The following TMTC2 variants were observed in gnomAD, a reference collection of about 807,000 sequenced individuals.
The protein encoded by TMTC2 is protein O-mannosyl-transferase TMTC2.
Under a neutral mutation model 82.4 loss-of-function variants are expected in TMTC2, and 43 were observed. The ratio of observed to expected loss-of-function variants is 0.52; its 90% confidence interval spans 0.41 to 0.67. The LOEUF is 0.67. TMTC2 is among the 30% of genes least tolerant of loss of function. The pLI, the probability that TMTC2 is intolerant of heterozygous loss-of-function variation, is 0.00. For missense variants in TMTC2, 919 were observed against 1,012.4 expected (o/e 0.91, Z 1.25); for synonymous variants, 408 against 381.9 (o/e 1.07, Z -0.80).
chr12:82,825,589 T>G (rs1037847922), intron 1 of TMTC2, among the ~76,000 whole-genome samples: 1 of 152,326 alleles, frequency 6.6e-6, no homozygotes, highest in African/African-American at 2.4e-5. Context: ...AGTACGTCTA[T>G]TATTTCCACA....
chr12:83,112,448 T>C (rs1007111832), intron 11 of TMTC2, among the ~76,000 whole-genome samples: 1 of 152,220 alleles, frequency 6.6e-6, no homozygotes, highest in African/African-American at 2.4e-5. Flanking sequence ...CAAAGTTTTT[T>C]AAACTTCTGT....
At chr12:82,699,473 G>A (rs1872968332) in intron 1 of TMTC2, among the ~76,000 whole-genome samples, 2 of 152,102 alleles carry the variant, frequency 1.3e-5, no homozygotes, top group South Asian at 2.1e-4. Flanking sequence ...TTGTTACTGG[G>A]TACTCATGGT....
chr12:83,083,132 C>A (rs1043118780), intron 11 of TMTC2, among the ~76,000 whole-genome samples: 3 of 152,144 alleles, frequency 2.0e-5, no homozygotes, highest in Non-Finnish European at 4.4e-5. Flanking sequence ...ATTTAGAATG[C>A]TGCCTGGCCC....
At chr12:82,814,381 C>G (rs569922118) in intron 1 of TMTC2, among the ~76,000 whole-genome samples, 2 of 152,030 alleles carry the variant, frequency 1.3e-5, no homozygotes, top group Non-Finnish European at 2.9e-5. Flanking sequence ...GAATACTATT[C>G]GTGTAGTTTG....
chr12:82,861,653 C>A (rs1056965927), intron 2 of TMTC2, among the ~76,000 whole-genome samples: 19 of 152,132 alleles, frequency 1.2e-4, no homozygotes, highest in Non-Finnish European at 2.9e-5. Flanking sequence ...AAGATGTTAA[C>A]TTATTTAGCT....
At position 82,896,067 on chromosome 12, in the gene TMTC2, C is replaced by G. The variant is rs563788049; in HGVS notation, c.904C>G (p.Leu302Val). The G allele has an allele frequency of 2.5e-6, 4 of 1,614,004 alleles. No individual in the cohort carries two copies. In the South Asian group the frequency reaches 4.4e-5, roughly 18 times the overall value. ...TTGGTCAATGGATGCTGTGCCTCTG[C>G]TCAAAACAGTTTGTGACTGGAGAAA... ...FDWSMDAVPL[L>V]KTVCDWRNLH... is the part of the protein sequence containing the mutation. Residue 302 changes from leucine (L) to valine (V), a missense_variant, in exon 3 of 12, where the codon CTC becomes GTC. Physicochemically the swap from Leu to Val is conservative, Grantham distance 32. Coordinates refer to ENST00000321196, the MANE Select transcript of TMTC2 (RefSeq NM_152588.3).
chr12:82,968,728 C>A (rs944803580), intron 7 of TMTC2, among the ~76,000 whole-genome samples: 2 of 152,080 alleles, frequency 1.3e-5, no homozygotes, highest in African/African-American at 4.8e-5. Context: ...AAAATTCAGC[C>A]AGTACCTTGG....
intron 1 of TMTC2, among the ~76,000 whole-genome samples, chr12:82,772,349 C>G (rs1877353696): frequency 6.6e-6 from 1 of 152,182 alleles, no homozygotes; most frequent in African/African-American, 2.4e-5. Flanking sequence ...ATAGAGGAGA[C>G]AGCATTTTCA....
At chr12:82,953,184 G>A (rs1342804808) in intron 4 of TMTC2, among the ~76,000 whole-genome samples, 1 of 152,166 alleles carries the variant, frequency 6.6e-6, no homozygotes, top group African/African-American at 2.4e-5. Flanking sequence ...CCTTTCAGGT[G>A]ATTTCCTAAA....
At chr12:82,925,731 C>A (rs768043853) in intron 3 of TMTC2, among the ~76,000 whole-genome samples, 1 of 152,096 alleles carries the variant, frequency 6.6e-6, no homozygotes, top group South Asian at 2.1e-4. Context: ...ACAGATGTTG[C>A]GCATGTTCTG....
intron 11 of TMTC2, among the ~76,000 whole-genome samples, chr12:83,125,633 T>A (rs1885078451): frequency 6.6e-6 from 1 of 152,196 alleles, no homozygotes; most frequent in Admixed American, 6.5e-5. Context: ...AATATCTGCA[T>A]TATACTTTTA....
intron 4 of TMTC2, among the ~76,000 whole-genome samples, chr12:82,957,411 A>G (rs1391239448): frequency 6.6e-6 from 1 of 152,200 alleles, no homozygotes; most frequent in Non-Finnish European, 1.5e-5. Context: ...ATAGTCCCAA[A>G]TGCCTACCTC....
intron 4 of TMTC2, among the ~76,000 whole-genome samples, chr12:82,955,866 C>T (rs1233906485): frequency 6.6e-6 from 1 of 152,018 alleles, no homozygotes; most frequent in Non-Finnish European, 1.5e-5. Context: ...ATAATACCCA[C>T]CTACACATGG....
intron 8 of TMTC2, among the ~76,000 whole-genome samples, chr12:82,997,133 A>C (rs1879655402): frequency 4.3e-5 from 5 of 116,516 alleles, no homozygotes; most frequent in East Asian, 2.5e-4. Context: ...TTCCATCCTG[A>C]CTCCCTCATC....
intron 4 of TMTC2, among the ~76,000 whole-genome samples, chr12:82,941,592 TGTTCTTATCTGATTCTG>T: frequency 6.6e-6 from 1 of 152,320 alleles, no homozygotes; most frequent in Non-Finnish European, 1.5e-5. Context: ...ACTGGCCATG[TGTTCTTATCTGATTCTG>T]AATGTTGATT....
chr12:82,770,726 GTCC>G (rs1487736314), intron 1 of TMTC2, among the ~76,000 whole-genome samples: 69 of 152,234 alleles, frequency 4.5e-4, no homozygotes, highest in East Asian at 1.9e-4. Context: ...GGCTCAAGTA[GTCC>G]TCCTTCTTCA....
At position 83,091,717 on chromosome 12, in the gene TMTC2, T is replaced by G. The variant is rs142552738; in HGVS notation, c.2331+29886T>G. Among the ~76,000 whole-genome samples, 93 of 152,332 alleles carry G rather than the reference T, an allele frequency of 6.1e-4. 1 individual carries two copies. In the South Asian group the frequency reaches 0.011, roughly 19 times the overall value. Reference sequence around the variant, plus strand: ...TTCATATCTTTTGCACATTTTTTAGTGAGTTTTGTTACTGTATTAAGATCT... The same window carrying G: ...TTCATATCTTTTGCACATTTTTTAGGGAGTTTTGTTACTGTATTAAGATCT... On this transcript the variant is annotated intron_variant, in intron 11 of 11. Coordinates refer to ENST00000321196, the MANE Select transcript of TMTC2 (RefSeq NM_152588.3).
intron 7 of TMTC2, among the ~76,000 whole-genome samples, chr12:82,979,842 A>G (rs1275765834): frequency 6.6e-6 from 1 of 151,726 alleles, no homozygotes; most frequent in Non-Finnish European, 1.5e-5. Flanking sequence ...TTCATGTTTG[A>G]AGGATATTTT....
chr12:82,813,545 A>G (rs1229183155), intron 1 of TMTC2, among the ~76,000 whole-genome samples: 2 of 152,012 alleles, frequency 1.3e-5, no homozygotes, highest in African/African-American at 4.8e-5. Flanking sequence ...TCAAGGTGAC[A>G]TTTAAAATAT....
Sources: gnomAD v4.1 joint callset for allele counts (sites outside exome capture counted in the v4.1 genomes callset) on GRCh38, gnomAD v4.1.1 for gene constraint, MANE v1.5 for transcripts, NCBI Gene and HGNC (gene_info 2026-07-23, HGNC 2026-07-21) for gene names.